Variants in TANC2 observed in about 807,000 individuals in gnomAD.
TANC2 encodes tetratricopeptide repeat, ankyrin repeat and coiled-coil containing 2, also known as protein TANC2.
A neutral mutation model predicts 210.5 loss-of-function variants in TANC2; 26 were observed. The ratio of observed to expected loss-of-function variants is 0.12; its 90% CI spans 0.09 to 0.17. TANC2 has a LOEUF of 0.17. TANC2 is among the 10% of genes least tolerant of loss of function. TANC2 has a pLI of 1.00. For missense variants in TANC2, 2,129 were observed against 2,608.9 expected (o/e 0.82, Z 4.01); for synonymous variants, 931 against 967.1 (o/e 0.96, Z 0.69).
chr17:63,262,470 G>A (rs773792408), intron 8 of TANC2, among the ~76,000 whole-genome samples: 7 of 152,110 alleles, frequency 4.6e-5, no homozygotes, highest in Admixed American at 6.6e-5. Context: ...GATTACAGGC[G>A]CAAGCCACCG....
intron 27 of TANC2, among the ~76,000 whole-genome samples, chr17:63,419,449 C>T (rs1285425282): frequency 6.6e-6 from 1 of 152,154 alleles, no homozygotes. Context: ...AAGCCTAATG[C>T]CTGCCCCACT....
intron 4 of TANC2, among the ~76,000 whole-genome samples, chr17:63,108,268 G>A (rs560316732): frequency 6.6e-6 from 1 of 151,844 alleles, no homozygotes; most frequent in South Asian, 2.1e-4. Flanking sequence ...TTTCAGAATT[G>A]CTAAAATACT....
chr17:63,230,057 A>G (rs560969001), intron 7 of TANC2, among the ~76,000 whole-genome samples: 2 of 151,890 alleles, frequency 1.3e-5, no homozygotes, highest in African/African-American at 4.8e-5. Context: ...CAACCTCCCA[A>G]AGTGATGGGA....
rs1229323858 is a variant in TANC2 at position 63,405,270 on chromosome 17, C to T, written c.3465+15C>T. 6 of 1,547,502 alleles carry T rather than the reference C, an allele frequency of 3.9e-6. No homozygotes were observed. The highest frequency in any genetic ancestry group is 5.3e-6 in the Non-Finnish European group (6 of 1,138,088). On this transcript the variant is annotated intron_variant, in intron 20 of 27. Transcript: ENST00000689528. ...GCCACTGGCAGGTAAGCAGGGCGAC[C>T]ACTTCCAGTCCCTCAGGCAGGACTG...
intron 7 of TANC2, among the ~76,000 whole-genome samples, chr17:63,204,233 A>T (rs1335375320): frequency 6.6e-6 from 1 of 152,118 alleles, no homozygotes; most frequent in Non-Finnish European, 1.5e-5. Flanking sequence ...AAACAGTTTC[A>T]TTACAGTGGC....
At chr17:63,384,512 T>G (rs2047714546) in intron 15 of TANC2, among the ~76,000 whole-genome samples, 1 of 152,040 alleles carries the variant, frequency 6.6e-6, no homozygotes, top group Non-Finnish European at 1.5e-5. Flanking sequence ...AAAATATAGG[T>G]GACTCTTACC....
At chr17:63,358,372 A>AGTGTGTGTGTGTGTGT (rs1377701936) in intron 14 of TANC2, among the ~76,000 whole-genome samples, 2 of 114,936 alleles carry the variant, frequency 1.7e-5, no homozygotes, top group African/African-American at 8.0e-5. Context: ...AGAGAGAGAG[A>AGTGTGTGTGTGTGTGT]GAGAGTATGT....
At chr17:63,264,667 A>G (rs967882121) in intron 8 of TANC2, among the ~76,000 whole-genome samples, 2 of 152,168 alleles carry the variant, frequency 1.3e-5, no homozygotes, top group African/African-American at 2.4e-5. Context: ...ACCTATTTTT[A>G]TAGTAGTGTA....
At chr17:63,415,424 A>C (rs1359309406) in intron 25 of TANC2, 104 bp from the exon 26 acceptor site, 2 of 1,456,826 alleles carry the variant, frequency 1.4e-6, no homozygotes, top group East Asian at 2.4e-5. Context: ...TGGGAGGGTT[A>C]GCCCTTAGTA....
At chr17:63,358,374 A>ATGT (rs1555641202) in intron 14 of TANC2, among the ~76,000 whole-genome samples, 2,110 of 94,442 alleles carry the variant, frequency 0.022, 26 homozygotes, top group African/African-American at 0.061. Flanking sequence ...AGAGAGAGAG[A>ATGT]GAGTATGTGT....
chr17:63,240,702 A>G (rs2042749751), intron 8 of TANC2, among the ~76,000 whole-genome samples: 1 of 152,224 alleles, frequency 6.6e-6, no homozygotes, highest in Non-Finnish European at 1.5e-5. Flanking sequence ...TCAGGACCAC[A>G]TGAAACTAAC....
intron 9 of TANC2, among the ~76,000 whole-genome samples, chr17:63,298,942 C>A (rs561938773): frequency 6.6e-6 from 1 of 152,198 alleles, no homozygotes; most frequent in South Asian, 2.1e-4. Context: ...CCCCGACTGG[C>A]CCTGGTGTGT....
chr17:63,271,758 T>A (rs2043717448), intron 9 of TANC2, among the ~76,000 whole-genome samples: 1 of 152,058 alleles, frequency 6.6e-6, no homozygotes, highest in African/African-American at 2.4e-5. Context: ...CCATTTTTTT[T>A]AATAGGGTTA....
At chr17:62,975,297 G>A (rs1015064263) in intron 1 of TANC2, among the ~76,000 whole-genome samples, 1 of 152,136 alleles carries the variant, frequency 6.6e-6, no homozygotes, top group African/African-American at 2.4e-5. Flanking sequence ...ATTTGGTAAG[G>A]CACAGCTAGT....
chr17:63,100,441 C>T (rs952556340), intron 4 of TANC2, among the ~76,000 whole-genome samples: 3 of 152,034 alleles, frequency 2.0e-5, no homozygotes, highest in Non-Finnish European at 4.4e-5. Context: ...ACACTTTGGT[C>T]ATTAGATTAA....
At chr17:63,136,243 G>T (rs1257237506) in intron 4 of TANC2, among the ~76,000 whole-genome samples, 1 of 152,092 alleles carries the variant, frequency 6.6e-6, no homozygotes, top group African/African-American at 2.4e-5. Flanking sequence ...TTGAGTAACT[G>T]TTTCTTTGGA....
At chr17:63,180,509 G>A (rs931492225) in intron 5 of TANC2, among the ~76,000 whole-genome samples, 2 of 152,150 alleles carry the variant, frequency 1.3e-5, no homozygotes, top group Non-Finnish European at 2.9e-5. Flanking sequence ...GATGAATGAT[G>A]TATAGGCAGA....
At chr17:63,124,951 G>T (rs1290850247) in intron 4 of TANC2, among the ~76,000 whole-genome samples, 1 of 152,124 alleles carries the variant, frequency 6.6e-6, no homozygotes, top group Admixed American at 6.5e-5. Flanking sequence ...CCGCAAAATG[G>T]GTCTCTGGTG....
intron 4 of TANC2, among the ~76,000 whole-genome samples, chr17:63,114,954 AC>A (rs1447531459): frequency 2.0e-5 from 3 of 152,194 alleles, no homozygotes; most frequent in Non-Finnish European, 4.4e-5. Context: ...GTTAGCTCCT[AC>A]ACAGCATAAG....
Sources: gnomAD v4.1 joint callset for allele counts (sites outside exome capture counted in the v4.1 genomes callset) on GRCh38, gnomAD v4.1.1 for gene constraint, MANE v1.5 for transcripts, NCBI Gene and HGNC (gene_info 2026-07-23, HGNC 2026-07-21) for gene names.